Variants in BACH2 observed in about 807,000 individuals in gnomAD.
BACH2 encodes the protein transcription regulator protein BACH2.
Under a neutral mutation model 61.8 loss-of-function variants are expected in BACH2, and 5 were observed. The observed-to-expected ratio is 0.08, with a 90% confidence interval of 0.04 to 0.17. BACH2 has a LOEUF of 0.17. Among genes scored for constraint, BACH2 ranks in the 10% least tolerant of loss-of-function variants. The pLI, the probability that BACH2 is intolerant of heterozygous loss-of-function variation, is 1.00. For synonymous variants in BACH2, 446 were observed against 440.1 expected, an observed-to-expected ratio of 1.01 and a Z score of -0.17; for missense variants, 824 against 1,091.1, an observed-to-expected ratio of 0.76 and a Z score of 3.45.
At chr6:90,098,451 A>G (rs1250440027) in intron 4 of BACH2, among the ~76,000 whole-genome samples, 3 of 152,242 alleles carry the variant, frequency 2.0e-5, no homozygotes, top group African/African-American at 2.4e-5. Context: ...TAGGAGTGCC[A>G]GACCATTTAA....
intron 6 of BACH2, among the ~76,000 whole-genome samples, chr6:89,977,038 A>C (rs1025721610): frequency 5.3e-5 from 8 of 152,198 alleles, no homozygotes; most frequent in African/African-American, 2.4e-5. Flanking sequence ...TAAACTTTTA[A>C]TGTTAATACT....
chr6:90,111,386 T>C (rs532800741), intron 4 of BACH2, among the ~76,000 whole-genome samples: 1 of 152,346 alleles, frequency 6.6e-6, no homozygotes, highest in South Asian at 2.1e-4. Flanking sequence ...TCAGATCACA[T>C]CGCTCTCCTG....
chr6:90,268,509 A>AT (rs1338517621), intron 2 of BACH2, among the ~76,000 whole-genome samples: 17 of 152,170 alleles, frequency 1.1e-4, no homozygotes, highest in Non-Finnish European at 7.3e-5. Context: ...GACCTTTAGA[A>AT]TTTTTTTACA....
intron 6 of BACH2, among the ~76,000 whole-genome samples, chr6:89,983,519 A>T (rs984339238): frequency 2.0e-5 from 3 of 152,106 alleles, no homozygotes; most frequent in African/African-American, 7.2e-5. Context: ...AAATACAAAA[A>T]TTAGCCGGGT....
At chr6:90,295,842 G>C (rs1772343759) in intron 1 of BACH2, among the ~76,000 whole-genome samples, 1 of 152,154 alleles carries the variant, frequency 6.6e-6, no homozygotes, top group African/African-American at 2.4e-5. Context: ...GAGGCCCCCA[G>C]CTCGCCTCTT....
At chr6:90,221,874 G>A (rs1769745674) in intron 3 of BACH2, among the ~76,000 whole-genome samples, 3 of 152,098 alleles carry the variant, frequency 2.0e-5, no homozygotes, top group Admixed American at 2.0e-4. Flanking sequence ...TGGGAGATGA[G>A]GCCAAAGAGG....
At chr6:90,296,188 T>G (rs528375637) in intron 1 of BACH2, among the ~76,000 whole-genome samples, 1 of 151,984 alleles carries the variant, frequency 6.6e-6, no homozygotes, top group Non-Finnish European at 1.5e-5. Context: ...AAAACACCCT[T>G]CGACGCCAGC....
chr6:90,146,870 A>T (rs554652216), intron 4 of BACH2, among the ~76,000 whole-genome samples: 9 of 152,352 alleles, frequency 5.9e-5, no homozygotes, highest in Non-Finnish European at 1.0e-4. Flanking sequence ...GTGAATGACG[A>T]TTAAAACTAT....
At chr6:90,033,436 C>G (rs1291957812) in intron 5 of BACH2, among the ~76,000 whole-genome samples, 1 of 151,074 alleles carries the variant, frequency 6.6e-6, no homozygotes, top group African/African-American at 2.4e-5. Context: ...TGCTTTAGTT[C>G]TACTCACAGT....
chr6:90,037,883 A>G (rs1373461258), intron 5 of BACH2, among the ~76,000 whole-genome samples: 1 of 152,254 alleles, frequency 6.6e-6, no homozygotes, highest in East Asian at 1.9e-4. Flanking sequence ...CACAGGGAGA[A>G]CAACACCATG....
intron 4 of BACH2, among the ~76,000 whole-genome samples, chr6:90,107,663 ATT>A (rs35319113): frequency 0.062 from 8,386 of 134,678 alleles, 210 homozygotes; most frequent in East Asian, 0.1. Flanking sequence ...TCTATTTGTG[ATT>A]TTTTTTTTTT....
chr6:89,952,558 G>A (rs1222696960), intron 6 of BACH2, among the ~76,000 whole-genome samples: 1 of 152,130 alleles, frequency 6.6e-6, no homozygotes, highest in Admixed American at 6.6e-5. Flanking sequence ...TAATGAATGG[G>A]GGTTGCAGAG....
At chr6:89,959,925 G>A (rs1774646741) in intron 6 of BACH2, among the ~76,000 whole-genome samples, 1 of 152,142 alleles carries the variant, frequency 6.6e-6, no homozygotes, top group South Asian at 2.1e-4. Flanking sequence ...GCATGAAGAC[G>A]CTGTGGCTCC....
At chr6:90,139,580 C>A (rs1404699869) in intron 4 of BACH2, among the ~76,000 whole-genome samples, 1 of 152,206 alleles carries the variant, frequency 6.6e-6, no homozygotes. Flanking sequence ...ATGCAATAAT[C>A]TCCCTCCCTT....
At chr6:90,225,961 C>G (rs911634432) in intron 3 of BACH2, among the ~76,000 whole-genome samples, 3 of 152,120 alleles carry the variant, frequency 2.0e-5, no homozygotes, top group African/African-American at 7.2e-5. Context: ...ACCAGCATTA[C>G]CCTGAAACTT....
At chr6:90,289,747 T>G (rs745859249) in intron 1 of BACH2, among the ~76,000 whole-genome samples, 3 of 152,150 alleles carry the variant, frequency 2.0e-5, no homozygotes, top group African/African-American at 4.8e-5. Flanking sequence ...TGGCCATGGG[T>G]TGGACAAGCT....
chr6:90,226,526 C>T (rs1435652775), intron 3 of BACH2, among the ~76,000 whole-genome samples: 1 of 152,126 alleles, frequency 6.6e-6, no homozygotes, highest in African/African-American at 2.4e-5. Context: ...AAACGACTCA[C>T]AATACTGACT....
intron 4 of BACH2, among the ~76,000 whole-genome samples, chr6:90,180,940 A>G (rs1289467952): frequency 6.6e-6 from 1 of 151,976 alleles, no homozygotes; most frequent in Non-Finnish European, 1.5e-5. Context: ...CTTAGGTTGA[A>G]CCCGTATCTT....
intron 3 of BACH2, among the ~76,000 whole-genome samples, chr6:90,241,007 GC>G (rs910708510): frequency 3.3e-5 from 5 of 151,620 alleles, no homozygotes; most frequent in Non-Finnish European, 5.9e-5. Flanking sequence ...GGTGGCGTGC[GC>G]CTGTAGTCTC....
Sources: allele counts gnomAD v4.1 joint callset (sites outside exome capture counted in the v4.1 genomes callset), GRCh38; gene constraint gnomAD v4.1.1; transcripts MANE v1.5; gene names NCBI Gene and HGNC (gene_info 2026-07-23, HGNC 2026-07-21).